The following CCDC69 variants were observed in gnomAD, a reference collection of about 807,000 sequenced individuals.
CCDC69 encodes coiled-coil domain-containing protein 69.
CCDC69 carries 38 observed loss-of-function variants against 40.3 expected under a neutral mutation model. That is an observed-to-expected ratio of 0.94 (90% CI 0.73 to 1.24). CCDC69 has a LOEUF of 1.24. Ranked by LOEUF, CCDC69 falls within the 50% of genes most tolerant of loss-of-function variation. The pLI is 0.00. For synonymous variants in CCDC69, 141 were observed against 138.9 expected (o/e 1.02, Z -0.11); for missense variants, 389 against 357.9 (o/e 1.09, Z -0.70).
intron 8 of CCDC69, 111 bp downstream of exon 8, chr5:151,184,233 G>A (rs975071145): frequency 3.8e-6 from 3 of 779,296 alleles, no homozygotes; most frequent in Admixed American, 2.2e-5. Context: ...CCCTAAATAG[G>A]CCCTGGGCCC....
rs1388448254 is a variant in CCDC69 at position 151,182,764 on chromosome 5, A to G, written c.*673T>C. ...CTCTGGCTACTGTCCCTTGGTGGACACGACTCTGGCCCAGGAATGATGCCT... is the reference window on the plus strand; with the variant it reads ...CTCTGGCTACTGTCCCTTGGTGGACGCGACTCTGGCCCAGGAATGATGCCT... On this transcript the variant is annotated 3_prime_UTR_variant, in exon 9 of 9. Transcript: ENST00000355417. 5 of 325,106 alleles carry G rather than the reference A, an allele frequency of 1.5e-5. No homozygotes were observed. Among genetic ancestry groups the G allele is most frequent in the African/African-American group, 8.7e-5 (4 of 46,176 alleles). 20.1% of individuals were successfully genotyped at this position (325,106 alleles called of 1,614,324 possible).
chr5:151,187,360 G>GGGT (rs780948098), intron 5 of CCDC69, 26 bp downstream of exon 5: 1 of 1,607,432 alleles, frequency 6.2e-7, no homozygotes, highest in South Asian at 1.1e-5. Flanking sequence ...CCTTATCCAA[G>GGGT]ACTGACACGA....
chr5:151,203,001 G>A (rs1159173324), intron 2 of CCDC69, among the ~76,000 whole-genome samples: 1 of 152,142 alleles, frequency 6.6e-6, no homozygotes, highest in East Asian at 1.9e-4. Context: ...AAGTGCCTCA[G>A]AGGGATGACT....
chr5:151,202,338 G>A (rs1035618218), intron 2 of CCDC69, among the ~76,000 whole-genome samples: 7 of 152,262 alleles, frequency 4.6e-5, no homozygotes, highest in South Asian at 2.1e-4. Flanking sequence ...TCCAGTCTGC[G>A]CAACAGAGCG....
At chr5:151,209,063 A>T (rs1243488902) in intron 1 of CCDC69, among the ~76,000 whole-genome samples, 1 of 152,236 alleles carries the variant, frequency 6.6e-6, no homozygotes, top group Non-Finnish European at 1.5e-5. Flanking sequence ...AGAATATCAG[A>T]GACTGCAGAG....
At chr5:151,222,681 C>G (rs1753151646) in intron 1 of CCDC69, among the ~76,000 whole-genome samples, 2 of 152,324 alleles carry the variant, frequency 1.3e-5, no homozygotes, top group South Asian at 4.1e-4. Flanking sequence ...AGGCTCAGGT[C>G]TCTCCGCCTT....
rs1323719152 is a variant in CCDC69, at chr5:151,201,603, T to C, written c.210A>G (p.Glu70=). The change falls in exon 3 of 9, where the codon GAA becomes GAG. Residue 70 remains glutamate, a synonymous_variant. Transcript: ENST00000355417. ...ITRILQQHEE[E]KKKWAQQVEK... is the part of the protein sequence containing the mutation. ...TTACCTGTTGTGCCCATTTCTTCTT[T>C]TCCTCCTCATGTTGCTGGAGAATTC... 3 of 1,613,182 alleles carry C rather than the reference T, an allele frequency of 1.9e-6. No homozygotes were observed. Among genetic ancestry groups the C allele is most frequent in the Non-Finnish European group, 2.5e-6 (3 of 1,179,490 alleles).
chr5:151,223,985 T>C lies in CCDC69; in HGVS notation c.-15A>G. The C allele has an allele frequency of 6.5e-7, 1 of 1,549,694 alleles. No individual in the cohort carries two copies. The highest frequency in any genetic ancestry group is 2.1e-5 in the Admixed American group (1 of 47,208). The stretch of plus-strand genomic sequence containing the variant: ...CTGCAGCCCATCCTCCTCCGGGGGC[T>C]CCCGGACGCCGCTTCCCAACTCCGG... On this transcript the variant is annotated 5_prime_UTR_variant, in exon 1 of 9. Coordinates refer to ENST00000355417, the MANE Select transcript of CCDC69 (RefSeq NM_015621.3).
At chr5:151,220,232 A>G (rs1753114916) in intron 1 of CCDC69, among the ~76,000 whole-genome samples, 1 of 152,180 alleles carries the variant, frequency 6.6e-6, no homozygotes, top group African/African-American at 2.4e-5. Flanking sequence ...ATCTCCTTCA[A>G]AGGCATCCTT....
chr5:151,183,006 G>C lies in CCDC69; in HGVS notation c.*431C>G. Reference sequence around the variant, plus strand: ...TAATGCAGGGGTAAACTGAGGCTCTGAGCAGGCCAGGGTGGAGTGGAAACA... The same window carrying C: ...TAATGCAGGGGTAAACTGAGGCTCTCAGCAGGCCAGGGTGGAGTGGAAACA... On this transcript the variant is annotated 3_prime_UTR_variant, in exon 9 of 9. Transcript: ENST00000355417. 2.2e-6 allele frequency: 1 copy of C among 459,294 alleles called. No individual in the cohort carries two copies. The highest frequency in any genetic ancestry group is 1.5e-5 in the South Asian group (1 of 64,574). 28.5% of individuals were successfully genotyped at this position (459,294 alleles called of 1,614,324 possible).
At chr5:151,191,512 A>C (rs1417349490) in intron 4 of CCDC69, among the ~76,000 whole-genome samples, 1 of 152,218 alleles carries the variant, frequency 6.6e-6, no homozygotes, top group Non-Finnish European at 1.5e-5. Flanking sequence ...CAAAATACAA[A>C]CTATGTTCTC....
intron 1 of CCDC69, among the ~76,000 whole-genome samples, chr5:151,222,652 C>T (rs1753151415): frequency 1.3e-5 from 2 of 152,050 alleles, no homozygotes; most frequent in Non-Finnish European, 2.9e-5. Flanking sequence ...ACCACTTGCT[C>T]AGTTACAAGT....
intron 7 of CCDC69, 182 bp from the exon 8 acceptor site, chr5:151,184,623 G>A: frequency 1.9e-6 from 1 of 525,114 alleles, no homozygotes. Flanking sequence ...AAGGGCTGCG[G>A]CTTTTTGCCA....
At chr5:151,192,035 T>C (rs1270632759) in intron 4 of CCDC69, among the ~76,000 whole-genome samples, 1 of 128,220 alleles carries the variant, frequency 7.8e-6, no homozygotes, top group East Asian at 2.2e-4. Context: ...CCCTGAGCTA[T>C]GATCATGACA....
At chr5:151,204,443 C>T (rs1021759597) in intron 2 of CCDC69, among the ~76,000 whole-genome samples, 1 of 152,198 alleles carries the variant, frequency 6.6e-6, no homozygotes, top group East Asian at 1.9e-4. Flanking sequence ...TAACTAAACA[C>T]GTTCAGAGAT....
chr5:151,184,471 T>G, intron 7 of CCDC69, 30 bp from the exon 8 acceptor site: 1 of 1,467,004 alleles, frequency 6.8e-7, no homozygotes. Flanking sequence ...CTCAGAAAGC[T>G]GCCAAACTCA....
At chr5:151,223,829 C>T in intron 1 of CCDC69, 94 bp downstream of exon 1, 1 of 1,303,200 alleles carries the variant, frequency 7.7e-7, no homozygotes, top group Admixed American at 2.1e-5. Context: ...CCCGGGCCGA[C>T]CAGAGAGAGC....
At chr5:151,208,396 A>C (rs1212298606) in intron 1 of CCDC69, among the ~76,000 whole-genome samples, 1 of 152,264 alleles carries the variant, frequency 6.6e-6, no homozygotes, top group East Asian at 1.9e-4. Context: ...AGATGTATCA[A>C]GGGAAGTCTT....
chr5:151,197,252 G>A (rs1400660833), intron 4 of CCDC69, among the ~76,000 whole-genome samples: 1 of 152,220 alleles, frequency 6.6e-6, no homozygotes, highest in African/African-American at 2.4e-5. Context: ...CTTAGGCTGG[G>A]CACAATGGCT....
Sources: allele counts gnomAD v4.1 joint callset (sites outside exome capture counted in the v4.1 genomes callset), GRCh38; gene constraint gnomAD v4.1.1; transcripts MANE v1.5; gene names NCBI Gene and HGNC (gene_info 2026-07-23, HGNC 2026-07-21).